RB1CC1: variants seen among roughly 807,000 people sequenced by gnomAD.
RB1CC1 encodes the protein RB1 inducible coiled-coil 1.
Under a neutral mutation model 177.5 loss-of-function variants are expected in RB1CC1, and 46 were observed. That is an observed-to-expected ratio of 0.26 (90% confidence interval 0.20 to 0.33). RB1CC1 has a LOEUF of 0.33. RB1CC1 is among the 10% of genes least tolerant of loss of function. The pLI is 1.00. For missense variants in RB1CC1, 1,703 were observed against 1,816.3 expected (o/e 0.94, Z 1.13); for synonymous variants, 666 against 613.6 (o/e 1.09, Z -1.26).
chr8:52,625,631 T>C (rs1848334599), intron 22 of RB1CC1, among the ~76,000 whole-genome samples: 1 of 152,194 alleles, frequency 6.6e-6, no homozygotes. Flanking sequence ...CCATACACCA[T>C]AGCTTAGCCT....
rs1435767740 is a variant in RB1CC1, at chr8:52,674,201, A to G, written c.646T>C (p.Cys216Arg). The change falls in exon 7 of 24, where the codon TGT (cysteine) becomes CGT (arginine). Residue 216 changes from cysteine (C) to arginine (R), a missense_variant. Around this residue, in one of 6 missense-constraint regions of RB1CC1, gnomAD observed 315 missense variants for 304.9 expected, o/e 1.03. Transcript: ENST00000025008. Reference sequence around the variant, plus strand: ...GGTAAAGAATCCAGTCTTCCCAAACATTCTCTGTAACTATGTCTGGTTAGG... The same window carrying G: ...GGTAAAGAATCCAGTCTTCCCAAACGTTCTCTGTAACTATGTCTGGTTAGG... ...ECLTRHSYRE[C>R]LGRLDSLPEH... The G allele has an allele frequency of 7.4e-6, 12 of 1,612,698 alleles. No homozygotes were observed. The highest frequency in any genetic ancestry group is 1.0e-5 in the Non-Finnish European group (12 of 1,178,812).
Position 52,661,517 on chromosome 8 carries a change from T to C in RB1CC1, c.1358+18A>G, listed in dbSNP as rs745928425. On this transcript the variant is annotated intron_variant, in intron 9 of 23. Transcript: ENST00000025008. ...CCAATTCTAAACATCTTAAAACAGA[T>C]ATAAATGAATCACTTACTTCAGTCT... is the stretch of plus-strand genomic sequence containing the variant. 1.3e-6 allele frequency: 2 copies of C among 1,567,268 alleles called. No individual in the cohort carries two copies. The highest frequency in any genetic ancestry group is 8.6e-7 in the Non-Finnish European group (1 of 1,157,748).
At position 52,657,438 on chromosome 8, in the gene RB1CC1, CT is replaced by C; in HGVS notation, c.2390del (p.Gln797ArgfsTer41). ...DFGDHTSLNV[Q>X]LERCRVVAQD... ...GGGCAACAACTCTACATCTTTCCAA[CT>C]GGACATTCAGAGAAGTATGATCTCC... On this transcript the variant is annotated frameshift_variant, in exon 15 of 24. Transcript: ENST00000025008. LOFTEE classifies it high-confidence loss of function. 1 of 1,613,758 alleles carries C rather than the reference CT, an allele frequency of 6.2e-7. No homozygotes were observed. The highest frequency in any genetic ancestry group is 8.5e-7 in the Non-Finnish European group (1 of 1,179,990).
At chr8:52,713,840 A>C (rs1857267978) in intron 1 of RB1CC1, among the ~76,000 whole-genome samples, 1 of 152,186 alleles carries the variant, frequency 6.6e-6, no homozygotes. Flanking sequence ...CTAGTGGAGC[A>C]TCGACTCGAA....
At chr8:52,624,854 G>A in intron 22 of RB1CC1, 67 bp from the exon 23 acceptor site, 1 of 1,205,950 alleles carries the variant, frequency 8.3e-7, no homozygotes, top group Non-Finnish European at 1.1e-6. Flanking sequence ...AAACATAACT[G>A]CCAGAATTAA....
chr8:52,660,529 C>G, intron 12 of RB1CC1, 67 bp downstream of exon 12: 2 of 1,362,220 alleles, frequency 1.5e-6, no homozygotes, highest in Non-Finnish European at 2.0e-6. Flanking sequence ...TGATAAATGT[C>G]TCTACTTCTG....
chr8:52,714,050 G>T (rs1857295296), intron 1 of RB1CC1, 25 bp downstream of exon 1: 1 of 345,844 alleles, frequency 2.9e-6, no homozygotes, highest in Non-Finnish European at 5.8e-6. Context: ...TGGGGGAAGG[G>T]GACGCGGGCG....
At chr8:52,629,169 A>G (rs1432951814) in intron 21 of RB1CC1, among the ~76,000 whole-genome samples, 1 of 152,220 alleles carries the variant, frequency 6.6e-6, no homozygotes, top group Non-Finnish European at 1.5e-5. Context: ...TTAATGAGAC[A>G]TGAAAAGTCA....
chr8:52,667,781 A>G (rs545054974), intron 8 of RB1CC1, among the ~76,000 whole-genome samples: 8 of 152,228 alleles, frequency 5.3e-5, no homozygotes, highest in African/African-American at 1.2e-4. Flanking sequence ...TGCTTTCAAC[A>G]TATCAAAAAA....
At chr8:52,668,819 C>A (rs1852305150) in intron 7 of RB1CC1, among the ~76,000 whole-genome samples, 1 of 152,206 alleles carries the variant, frequency 6.6e-6, no homozygotes. Flanking sequence ...CTACCAATGA[C>A]CTTGCTTCAC....
rs188054225 is a variant in RB1CC1 at position 52,658,310 on chromosome 8, G to A, written c.1794-186C>T. Among the ~76,000 whole-genome samples, 485 of 152,268 alleles carry A rather than the reference G, an allele frequency of 3.2e-3. 2 individuals carry two copies. The highest frequency in any genetic ancestry group is 0.011 in the African/African-American group (449 of 41,560). On this transcript the variant is annotated intron_variant, in intron 13 of 23. Transcript: ENST00000025008. The stretch of plus-strand genomic sequence containing the variant: ...GTAAAAACTTAGGGCCGGGCGTGGT[G>A]GATCACACCTATAATCCAAGCACTT...
intron 1 of RB1CC1, among the ~76,000 whole-genome samples, chr8:52,689,212 T>C (rs566143635): frequency 6.6e-6 from 1 of 152,348 alleles, no homozygotes; most frequent in Non-Finnish European, 1.5e-5. Flanking sequence ...TAATTTTTCA[T>C]TTCTCTTTGT....
intron 13 of RB1CC1, 93 bp from the exon 14 acceptor site, chr8:52,658,217 G>A: frequency 1.5e-6 from 2 of 1,292,082 alleles, no homozygotes; most frequent in Non-Finnish European, 2.1e-6. Context: ...AAAATAACAA[G>A]AGCCTTATCA....
At position 52,685,376 on chromosome 8, in the gene RB1CC1, AAAAT is replaced by A. The variant is rs1854182007; in HGVS notation, c.71+19_71+22del. ...CTGCATGCAGACAGAATGCGAAAAA[AAAAT>A]AAATGAAATACAACTCACGTTTGCA... On this transcript the variant is annotated intron_variant, in intron 3 of 23. Coordinates refer to ENST00000025008, the MANE Select transcript of RB1CC1 (RefSeq NM_014781.5). 3.2e-6 allele frequency: 5 copies of A among 1,539,800 alleles called. No homozygotes were observed. The highest frequency in any genetic ancestry group is 3.6e-6 in the Non-Finnish European group (4 of 1,121,334).
intron 15 of RB1CC1, among the ~76,000 whole-genome samples, chr8:52,651,360 T>A (rs1284760960): frequency 2.6e-5 from 4 of 152,246 alleles, no homozygotes; most frequent in African/African-American, 9.6e-5. Context: ...CATTCATTTA[T>A]ATAGTCTCAC....
In RB1CC1 at chr8:52,683,538, T is replaced by G. The variant is rs776951337; in HGVS notation, c.369+11A>C. On this transcript the variant is annotated intron_variant, in intron 5 of 23. Coordinates refer to ENST00000025008, the MANE Select transcript of RB1CC1 (RefSeq NM_014781.5). The stretch of plus-strand genomic sequence containing the variant: ...AGAAACAATCAGTTAAAATAATTGT[T>G]TATATCTTACCAATGCAAGCTGTGT... 6.4e-7 allele frequency: 1 copy of G among 1,562,286 alleles called. No individual in the cohort carries two copies. Among genetic ancestry groups the G allele is most frequent in the Non-Finnish European group, 8.6e-7 (1 of 1,156,240 alleles).
chr8:52,636,160 T>G (rs932490857), intron 18 of RB1CC1, 91 bp from the exon 19 acceptor site: 1 of 1,359,638 alleles, frequency 7.4e-7, no homozygotes, highest in Non-Finnish European at 9.8e-7. Flanking sequence ...ACAGATCACT[T>G]TAACAATTTA....
At chr8:52,686,756 G>A (rs2150610534) in intron 2 of RB1CC1, 97 bp downstream of exon 2, 1 of 318,258 alleles carries the variant, frequency 3.1e-6, no homozygotes, top group Non-Finnish European at 6.2e-6. Flanking sequence ...ATTAGAGAAG[G>A]AAAAAGCAAA....
chr8:52,699,824 AAAAAAAATAT>A (rs1295825597), intron 1 of RB1CC1, among the ~76,000 whole-genome samples: 9 of 92,438 alleles, frequency 9.7e-5, no homozygotes, highest in East Asian at 1.3e-3. Context: ...AAAAAAAAAA[AAAAAAAATAT>A]ATATATATAT....
Sources: allele counts gnomAD v4.1 joint callset (sites outside exome capture counted in the v4.1 genomes callset), GRCh38; gene constraint gnomAD v4.1.1; regional missense constraint gnomAD v4.1.1; transcripts MANE v1.5; gene names NCBI Gene and HGNC (gene_info 2026-07-23, HGNC 2026-07-21).